The following STK24 variants were observed in gnomAD, a reference collection of about 807,000 sequenced individuals.
The protein encoded by STK24 is serine/threonine kinase 24, also known as serine/threonine-protein kinase 24.
STK24 carries 21 observed loss-of-function variants against 55.6 expected under a neutral mutation model. The ratio of observed to expected loss-of-function variants is 0.38; its 90% confidence interval spans 0.27 to 0.54. The LOEUF is 0.54. Among genes scored for constraint, STK24 ranks in the 20% least tolerant of loss-of-function variants. The pLI is 0.79. For missense variants in STK24, 383 were observed against 538.4 expected, an observed-to-expected ratio of 0.71 and a Z score of 2.86; for synonymous variants, 200 against 215.2, an observed-to-expected ratio of 0.93 and a Z score of 0.62.
At chr13:98,482,368 G>GA in intron 2 of STK24, 47 bp from the exon 3 acceptor site, 1 of 1,251,080 alleles carries the variant, frequency 8.0e-7, no homozygotes, top group South Asian at 1.3e-5. Context: ...ATGAATCCAG[G>GA]AAAATTTTTT....
intron 1 of STK24, among the ~76,000 whole-genome samples, chr13:98,526,399 G>T (rs1896431081): frequency 6.6e-6 from 1 of 152,128 alleles, no homozygotes. Flanking sequence ...AACTGTCTCA[G>T]CACATTCTCA....
At chr13:98,500,719 C>T (rs1895424678) in intron 2 of STK24, among the ~76,000 whole-genome samples, 1 of 149,800 alleles carries the variant, frequency 6.7e-6, no homozygotes, top group Non-Finnish European at 1.5e-5. Flanking sequence ...CCCCTCCCAT[C>T]CTCCCCCAAC....
intron 1 of STK24, among the ~76,000 whole-genome samples, chr13:98,547,020 T>C (rs1410252689): frequency 6.6e-6 from 1 of 152,190 alleles, no homozygotes; most frequent in African/African-American, 2.4e-5. Context: ...CAAGCAATTC[T>C]CCTGCCTCAG....
intron 2 of STK24, among the ~76,000 whole-genome samples, chr13:98,509,755 C>T (rs1214888858): frequency 6.6e-6 from 1 of 152,170 alleles, no homozygotes; most frequent in Non-Finnish European, 1.5e-5. Context: ...TTCCTTTAAA[C>T]AGAACACTCA....
chr13:98,506,814 G>A (rs559694570), intron 2 of STK24, among the ~76,000 whole-genome samples: 73 of 152,372 alleles, frequency 4.8e-4, no homozygotes, highest in African/African-American at 1.7e-3. Context: ...AAATACGGTG[G>A]CCGTGAGTAA....
intron 2 of STK24, among the ~76,000 whole-genome samples, chr13:98,512,375 T>C (rs1175066072): frequency 6.6e-6 from 1 of 151,892 alleles, no homozygotes; most frequent in Non-Finnish European, 1.5e-5. Flanking sequence ...GGTCCATAAA[T>C]AGAACAGAGA....
At chr13:98,483,878 C>T (rs1425941098) in intron 2 of STK24, among the ~76,000 whole-genome samples, 1 of 152,218 alleles carries the variant, frequency 6.6e-6, no homozygotes, top group Non-Finnish European at 1.5e-5. Flanking sequence ...TAAATCCTGC[C>T]ATCTGGAGTT....
At chr13:98,479,310 G>A (rs776065754) in intron 3 of STK24, among the ~76,000 whole-genome samples, 3 of 152,000 alleles carry the variant, frequency 2.0e-5, no homozygotes, top group Admixed American at 6.6e-5. Flanking sequence ...TTAAATCAAC[G>A]GACTGAGCAC....
At chr13:98,488,160 GACACAC>G (rs71213678) in intron 2 of STK24, among the ~76,000 whole-genome samples, 2,963 of 130,396 alleles carry the variant, frequency 0.023, 44 homozygotes, top group Non-Finnish European at 0.034. Context: ...AAGAGATGAA[GACACAC>G]ACACACACAC....
At chr13:98,489,242 T>C (rs1012637270) in intron 2 of STK24, among the ~76,000 whole-genome samples, 6 of 152,212 alleles carry the variant, frequency 3.9e-5, no homozygotes, top group Non-Finnish European at 4.4e-5. Context: ...ACTCATCAAC[T>C]TGAACCACTA....
intron 5 of STK24, among the ~76,000 whole-genome samples, chr13:98,470,124 G>A (rs1322449374): frequency 6.6e-6 from 1 of 152,166 alleles, no homozygotes; most frequent in Non-Finnish European, 1.5e-5. Flanking sequence ...ACTGCTTCTA[G>A]GAAAAATGAC....
intron 6 of STK24, among the ~76,000 whole-genome samples, chr13:98,464,195 A>T (rs1182135653): frequency 1.3e-5 from 2 of 152,128 alleles, no homozygotes; most frequent in Non-Finnish European, 2.9e-5. Context: ...AGGCGGGCAG[A>T]TCACGAGGTC....
chr13:98,576,151 C>T, intron 1 of STK24: 2 of 985,240 alleles, frequency 2.0e-6, no homozygotes, highest in Non-Finnish European at 2.4e-6. Flanking sequence ...TCCCCCGGTC[C>T]GCAGGTGCAC....
chr13:98,485,646 A>C (rs1396134757), intron 2 of STK24, among the ~76,000 whole-genome samples: 7 of 152,240 alleles, frequency 4.6e-5, no homozygotes. Context: ...GCCTTTGTTT[A>C]AACTGTAAGT....
chr13:98,492,557 G>C (rs1458778085), intron 2 of STK24, among the ~76,000 whole-genome samples: 1 of 152,194 alleles, frequency 6.6e-6, no homozygotes, highest in African/African-American at 2.4e-5. Context: ...AGGTGGGCAG[G>C]ATGCAGGCTT....
intron 1 of STK24, among the ~76,000 whole-genome samples, chr13:98,526,883 G>A (rs1299973139): frequency 6.6e-6 from 1 of 152,048 alleles, no homozygotes; most frequent in African/African-American, 2.4e-5. Flanking sequence ...CAGATATGCA[G>A]GACCACTGTC....
rs1253867522 is a variant in STK24, at chr13:98,451,243, C to G, written c.*1930G>C. The G allele has an allele frequency of 6.6e-6, 1 of 152,184 alleles. No individual in the cohort carries two copies. Among genetic ancestry groups the G allele is most frequent in the East Asian group, 1.9e-4 (1 of 5,200 alleles). The allele number at this position is 152,184 out of a possible 1,614,324, so 9.4% of individuals were successfully genotyped here. A position where few individuals can be genotyped will look rare whatever the true frequency, so the allele number is the denominator to read the frequency against. The stretch of plus-strand genomic sequence containing the variant: ...CGGCACACCCTGGGGAACACAGACT[C>G]AATCTGTGTGATTCGCAAGGACAAA... On this transcript the variant is annotated 3_prime_UTR_variant, in exon 11 of 11. Coordinates refer to ENST00000539966, the MANE Select transcript of STK24 (RefSeq NM_001032296.4).
intron 2 of STK24, among the ~76,000 whole-genome samples, chr13:98,493,233 C>T (rs145637007): frequency 6.6e-6 from 1 of 152,194 alleles, no homozygotes; most frequent in Admixed American, 6.5e-5. Flanking sequence ...TGCGTGTGTG[C>T]GTGTGCTCGC....
At chr13:98,568,792 T>C (rs1897657124) in intron 1 of STK24, among the ~76,000 whole-genome samples, 1 of 151,814 alleles carries the variant, frequency 6.6e-6, no homozygotes, top group Non-Finnish European at 1.5e-5. Context: ...CACTGGAACC[T>C]GGGGGGGCAG....
Sources: allele counts gnomAD v4.1 joint callset (sites outside exome capture counted in the v4.1 genomes callset), GRCh38; gene constraint gnomAD v4.1.1; transcripts MANE v1.5; gene names NCBI Gene and HGNC (gene_info 2026-07-23, HGNC 2026-07-21).